The following CFAP221 variants were observed in gnomAD, a reference collection of about 807,000 sequenced individuals.
CFAP221 encodes cilia- and flagella-associated protein 221.
Under a neutral mutation model 113.1 loss-of-function variants are expected in CFAP221, and 97 were observed. That is an observed-to-expected ratio of 0.86 (90% CI 0.73 to 1.02). The LOEUF (loss-of-function observed/expected upper bound fraction) is 1.02. Ranked by LOEUF, CFAP221 falls within the 50% of genes least tolerant of loss-of-function variation. The probability of loss-of-function intolerance (pLI) is 0.00; values close to 1 mark genes in which losing one functional copy is unlikely to be tolerated. For synonymous variants in CFAP221, 331 were observed against 354.4 expected (o/e 0.93, Z 0.74); for missense variants, 1,025 against 1,013.4 (o/e 1.01, Z -0.16).
At position 119,639,805 on chromosome 2, in the gene CFAP221, T is replaced by C. The variant is rs779811516; in HGVS notation, c.2158T>C (p.Trp720Arg). Residue 720 changes from tryptophan (W) to arginine (R), a missense_variant, in exon 21 of 24, where the codon TGG (tryptophan) becomes CGG (arginine). Physicochemically the swap from Trp to Arg is moderately radical, Grantham distance 101 (BLOSUM62 -3). Transcript: ENST00000413369. The part of the protein sequence containing the change: ...HTDIIPGIMH[W>R]KSFQSLVLSS... ...GGACATTATTCCCGGAATAATGCACTGGAAAAGCTTCCAGTCCCTGGTTCT... is the reference window on the plus strand; with the variant it reads ...GGACATTATTCCCGGAATAATGCACCGGAAAAGCTTCCAGTCCCTGGTTCT... The C allele has an allele frequency of 6.2e-7, 1 of 1,614,146 alleles. No individual in the cohort carries two copies. Among genetic ancestry groups the C allele is most frequent in the South Asian group, 1.1e-5 (1 of 91,076 alleles).
At chr2:119,566,548 C>A (rs919415856) in intron 6 of CFAP221, among the ~76,000 whole-genome samples, 3 of 151,868 alleles carry the variant, frequency 2.0e-5, no homozygotes, top group East Asian at 1.9e-4. Context: ...TCTGCCTTAG[C>A]ATGAGTACCC....
At chr2:119,638,561 C>G in intron 20 of CFAP221, 144 bp downstream of exon 20, 1 of 1,088,866 alleles carries the variant, frequency 9.2e-7, no homozygotes, top group Non-Finnish European at 1.3e-6. Context: ...CCCCTCATAC[C>G]GCCAGCCCTA....
intron 6 of CFAP221, chr2:119,572,551 C>T (rs988069769): frequency 1.6e-5 from 11 of 701,296 alleles, no homozygotes; most frequent in African/African-American, 3.5e-5. Context: ...TACCCAACAG[C>T]GTCTTCCTGG....
Position 119,638,296 on chromosome 2 carries a change from T to C in CFAP221, c.2012T>C (p.Leu671Pro). 6.2e-7 allele frequency: 1 copy of C among 1,614,158 alleles called. No individual in the cohort carries two copies. Among genetic ancestry groups the C allele is most frequent in the East Asian group, 2.2e-5 (1 of 44,886 alleles). Residue 671 changes from leucine (L) to proline (P), a missense_variant, in exon 20 of 24, where the codon CTG becomes CCG. Leu to Pro is a moderately conservative substitution (Grantham distance 98). Transcript: ENST00000413369. The part of the protein sequence containing the change: ...NPGLFAVMHP[L>P]TYAETLIDYH... ...GGATTATTTGCTGTAATGCATCCTC[T>C]GACCTATGCAGAAACGTTGATAGAT...
At chr2:119,614,462 TG>T (rs1390158790) in intron 13 of CFAP221, among the ~76,000 whole-genome samples, 2 of 152,208 alleles carry the variant, frequency 1.3e-5, no homozygotes, top group African/African-American at 4.8e-5. Flanking sequence ...TCCACATGGC[TG>T]GGGAGGCCTC....
At chr2:119,565,104 C>A (rs1256219780) in intron 6 of CFAP221, among the ~76,000 whole-genome samples, 1 of 152,192 alleles carries the variant, frequency 6.6e-6, no homozygotes, top group Non-Finnish European at 1.5e-5. Context: ...CCGTGCTCTT[C>A]CATTCTCTCT....
At chr2:119,605,107 A>C in intron 10 of CFAP221, 74 bp from the exon 11 acceptor site, 2 of 1,476,024 alleles carry the variant, frequency 1.4e-6, no homozygotes, top group Non-Finnish European at 1.9e-6. Context: ...CCTCGCCATT[A>C]GAAATGTGTT....
Position 119,605,242 on chromosome 2 carries a change from G to A in CFAP221, c.1086G>A (p.Gln362=). Reference sequence around the variant, plus strand: ...AGATGAAGGAGGCACTCTTTGAACAGAAAGTCAGACAGGACATTCACGAAG... The same window carrying A: ...AGATGAAGGAGGCACTCTTTGAACAAAAAGTCAGACAGGACATTCACGAAG... ...TRQMKEALFE[Q]KVRQDIHEEM... Residue 362 remains glutamine (Q), a synonymous_variant, in exon 11 of 24, where the codon CAG becomes CAA. Coordinates refer to ENST00000413369, the MANE Select transcript of CFAP221 (RefSeq NM_001271049.2). The A allele has an allele frequency of 6.2e-7, 1 of 1,614,224 alleles. No homozygotes were observed. Among genetic ancestry groups the A allele is most frequent in the Non-Finnish European group, 8.5e-7 (1 of 1,180,020 alleles).
At chr2:119,604,586 TGTG>T (rs1262317568) in intron 8 of CFAP221, 83 bp from the exon 9 acceptor site, 3 of 1,268,626 alleles carry the variant, frequency 2.4e-6, no homozygotes, top group Admixed American at 3.4e-5. Flanking sequence ...GACTTCAAGT[TGTG>T]GTGTTATCAG....
At chr2:119,614,607 C>A (rs1452589269) in intron 13 of CFAP221, among the ~76,000 whole-genome samples, 1 of 152,140 alleles carries the variant, frequency 6.6e-6, no homozygotes, top group African/African-American at 2.4e-5. Context: ...AGAACTAACT[C>A]ACTATCACGA....
chr2:119,633,452 G>A (rs1686916905), intron 19 of CFAP221, among the ~76,000 whole-genome samples: 1 of 151,858 alleles, frequency 6.6e-6, no homozygotes, highest in African/African-American at 2.4e-5. Flanking sequence ...TTTGGAAATT[G>A]CATATCTGAT....
chr2:119,625,803 T>C (rs936264871), intron 15 of CFAP221, 115 bp downstream of exon 15: 2 of 788,220 alleles, frequency 2.5e-6, no homozygotes, highest in African/African-American at 3.5e-5. Flanking sequence ...CAGTCACAAA[T>C]GTTAGTTTCC....
intron 3 of CFAP221, among the ~76,000 whole-genome samples, chr2:119,550,161 G>A (rs1470438054): frequency 3.3e-5 from 5 of 152,166 alleles, no homozygotes; most frequent in Non-Finnish European, 7.3e-5. Context: ...CTTTGTGTGT[G>A]ATGTCCCTCC....
Position 119,549,172 on chromosome 2 carries a change from A to T in CFAP221, c.227A>T (p.His76Leu). ...HFGGYQVEKQ[H>L]QQILHLVNVS... ...GGAGGCTATCAAGTAGAAAAACAACACCAACAGATTCTGGTAGGTACTTTT... is the reference window on the plus strand; with the variant it reads ...GGAGGCTATCAAGTAGAAAAACAACTCCAACAGATTCTGGTAGGTACTTTT... The change falls in exon 3 of 24, where the codon CAC becomes CTC. Residue 76 changes from histidine to leucine, a missense_variant. By Grantham distance (99) the His-to-Leu change is moderately conservative. Transcript: ENST00000413369. The T allele has an allele frequency of 6.5e-7, 1 of 1,532,776 alleles. No individual in the cohort carries two copies. The highest frequency in any genetic ancestry group is 8.7e-7 in the Non-Finnish European group (1 of 1,145,106). The allele number at this position is 1,532,776 out of a possible 1,614,324, so 94.9% of individuals were successfully genotyped here.
chr2:119,548,516 G>A (rs144879435), intron 2 of CFAP221, among the ~76,000 whole-genome samples: 216 of 152,258 alleles, frequency 1.4e-3, no homozygotes, highest in African/African-American at 5.0e-3. Context: ...GAGCTCAGCC[G>A]TTTAAAAGGG....
chr2:119,593,315 G>A (rs529166622), intron 7 of CFAP221, among the ~76,000 whole-genome samples: 2 of 152,288 alleles, frequency 1.3e-5, no homozygotes, highest in Admixed American at 1.3e-4. Flanking sequence ...CTCAGTGCTT[G>A]TGTTAGTCTG....
At chr2:119,582,487 G>C (rs1682919338) in intron 6 of CFAP221, among the ~76,000 whole-genome samples, 1 of 146,048 alleles carries the variant, frequency 6.8e-6, no homozygotes, top group African/African-American at 2.6e-5. Flanking sequence ...CAGGGCCTGT[G>C]CTCTGTCACC....
chr2:119,596,015 T>C (rs942324071), intron 7 of CFAP221, among the ~76,000 whole-genome samples: 6 of 151,900 alleles, frequency 3.9e-5, no homozygotes, highest in Non-Finnish European at 8.8e-5. Flanking sequence ...GCAAGGCCTA[T>C]TGGAGAGGCC....
chr2:119,587,272 C>T, intron 7 of CFAP221, 50 bp downstream of exon 7: 1 of 1,295,174 alleles, frequency 7.7e-7, no homozygotes, highest in Non-Finnish European at 1.0e-6. Flanking sequence ...AAGCTGCATT[C>T]AAACGTTATA....
Sources: gnomAD v4.1 joint callset for allele counts (sites outside exome capture counted in the v4.1 genomes callset) on GRCh38, gnomAD v4.1.1 for gene constraint, MANE v1.5 for transcripts, NCBI Gene and HGNC (gene_info 2026-07-23, HGNC 2026-07-21) for gene names.